The following TDRD1 variants were observed in gnomAD, a reference collection of about 807,000 sequenced individuals.
TDRD1 encodes the protein tudor domain containing 1.
In TDRD1, 37 loss-of-function variants were observed where a neutral mutation model predicts 140.6. That is an observed-to-expected ratio of 0.26 (90% CI 0.20 to 0.35). The LOEUF (loss-of-function observed/expected upper bound fraction) is 0.35. Among genes scored for constraint, TDRD1 ranks in the 10% least tolerant of loss-of-function variants. The pLI, the probability that TDRD1 is intolerant of heterozygous loss-of-function variation, is 1.00. For synonymous variants in TDRD1, 506 were observed against 475.7 expected (o/e 1.06, Z -0.83); for missense variants, 1,243 against 1,393.0 (o/e 0.89, Z 1.71).
rs771637585 is a variant in TDRD1, at chr10:114,221,404, A to G, written c.2818A>G (p.Lys940Glu). ...GAAGACGATAGAATTGCCAGTGGATAAAACTATACAAGCAAATGTATTAGA... is the reference window on the plus strand; with the variant it reads ...GAAGACGATAGAATTGCCAGTGGATGAAACTATACAAGCAAATGTATTAGA... The change falls in exon 20 of 26, where the codon AAA becomes GAA. Residue 940 changes from lysine (K) to glutamate (E), a missense_variant. Physicochemically the swap from Lys to Glu is moderately conservative, Grantham distance 56. Around this residue, in one of 5 missense-constraint regions of TDRD1, gnomAD observed 601 missense variants for 734.7 expected, o/e 0.82. Transcript: ENST00000251864. 6.8e-6 allele frequency: 11 copies of G among 1,612,578 alleles called. No individual in the cohort carries two copies. In the Admixed American group the frequency reaches 1.7e-4, roughly 24 times the overall value.
chr10:114,203,016 A>G (rs1712176180), intron 6 of TDRD1, 56 bp from the exon 7 acceptor site: 4 of 1,168,724 alleles, frequency 3.4e-6, no homozygotes, highest in Non-Finnish European at 5.2e-6. Context: ...GTGGCCATAG[A>G]ATCATTGAAA....
exon 11 of TDRD1, chr10:114,206,304 A>G (rs778177027): frequency 6.2e-7 from 1 of 1,613,396 alleles, no homozygotes; most frequent in Non-Finnish European, 8.5e-7. Context: ...AGTGGACAAG[A>G]TTCTAAGAAG....
chr10:114,206,741 G>C (rs557545527), intron 11 of TDRD1, among the ~76,000 whole-genome samples: 1 of 151,940 alleles, frequency 6.6e-6, no homozygotes, highest in South Asian at 2.1e-4. Context: ...AGCCTCCGGA[G>C]GAGCTGGGAT....
chr10:114,199,787 T>C (rs541126694), intron 4 of TDRD1, among the ~76,000 whole-genome samples: 18 of 152,374 alleles, frequency 1.2e-4, no homozygotes, highest in Non-Finnish European at 2.2e-4. Flanking sequence ...CCGTTGCACG[T>C]ACAATTATTT....
At chr10:114,206,771 G>A (rs570582346) in intron 11 of TDRD1, among the ~76,000 whole-genome samples, 10 of 152,010 alleles carry the variant, frequency 6.6e-5, no homozygotes, top group Middle Eastern at 3.4e-3. Flanking sequence ...CCGCTAGCAC[G>A]CCCAGCTAAT....
At chr10:114,222,613 A>G (rs1208393207) in exon 21 of TDRD1, 3 of 1,610,588 alleles carry the variant, frequency 1.9e-6, no homozygotes, top group Non-Finnish European at 2.5e-6. Flanking sequence ...GTGCATGTTG[A>G]CAGCTGAATT....
At chr10:114,227,221 G>A in exon 23 of TDRD1, 1 of 1,614,190 alleles carries the variant, frequency 6.2e-7, no homozygotes, top group Non-Finnish European at 8.5e-7. Flanking sequence ...GAATGGGACT[G>A]TCGATGTAGC....
intron 25 of TDRD1, among the ~76,000 whole-genome samples, chr10:114,230,868 C>T (rs536461660): frequency 1.7e-4 from 26 of 152,166 alleles, no homozygotes; most frequent in Non-Finnish European, 2.9e-4. Context: ...AGTTTGAGAC[C>T]ATCCTGGCCA....
At chr10:114,183,543 G>C (rs1273027314) in intron 1 of TDRD1, among the ~76,000 whole-genome samples, 1 of 151,750 alleles carries the variant, frequency 6.6e-6, no homozygotes, top group East Asian at 1.9e-4. Flanking sequence ...TTTTAACCTG[G>C]AGTTTTGATT....
At chr10:114,196,967 C>T (rs1462352695) in intron 3 of TDRD1, among the ~76,000 whole-genome samples, 2 of 150,110 alleles carry the variant, frequency 1.3e-5, no homozygotes, top group Non-Finnish European at 2.9e-5. Flanking sequence ...CTGTCTCAGC[C>T]TCCCAAGTAG....
chr10:114,199,313 A>T, exon 4 of TDRD1: 2 of 1,601,510 alleles, frequency 1.2e-6, no homozygotes, highest in Non-Finnish European at 1.7e-6. Flanking sequence ...GCTGTGGCCT[A>T]TTTGGTAAGC....
At chr10:114,228,780 G>A (rs982054237) in intron 25 of TDRD1, 3 of 985,248 alleles carry the variant, frequency 3.0e-6, no homozygotes, top group African/African-American at 1.7e-5. Context: ...TTGATTAAGA[G>A]CCAATTAGAA....
chr10:114,217,212 T>C (rs1229302130), intron 16 of TDRD1, among the ~76,000 whole-genome samples: 2 of 152,214 alleles, frequency 1.3e-5, no homozygotes, highest in Non-Finnish European at 2.9e-5. Flanking sequence ...ATAGTCACTT[T>C]CAGGACAGCT....
At chr10:114,184,033 C>A (rs1464390528) in intron 1 of TDRD1, among the ~76,000 whole-genome samples, 1 of 151,968 alleles carries the variant, frequency 6.6e-6, no homozygotes, top group Admixed American at 6.6e-5. Context: ...TTTTTAAAAA[C>A]CCCATAGATA....
At chr10:114,215,196 A>G (rs1250704987) in intron 16 of TDRD1, among the ~76,000 whole-genome samples, 1 of 152,086 alleles carries the variant, frequency 6.6e-6, no homozygotes, top group Admixed American at 6.6e-5. Flanking sequence ...ACATGTCTGT[A>G]CCTTGTTTTT....
At chr10:114,215,137 T>C (rs943763647) in intron 16 of TDRD1, among the ~76,000 whole-genome samples, 2 of 152,218 alleles carry the variant, frequency 1.3e-5, no homozygotes, top group Admixed American at 6.5e-5. Flanking sequence ...AATTACACAC[T>C]ATGCGAGCTT....
upstream of TDRD1, chr10:114,179,125 T>C (rs2032807474): frequency 6.6e-6 from 1 of 152,264 alleles, no homozygotes; most frequent in African/African-American, 2.4e-5. Context: ...CAGAGACATC[T>C]TTCTAGAAGA....
chr10:114,210,339 A>G (rs2035401613), intron 11 of TDRD1, among the ~76,000 whole-genome samples: 1 of 152,132 alleles, frequency 6.6e-6, no homozygotes. Context: ...ATTAGATCTG[A>G]ACTTGTCTAA....
chr10:114,228,245 A>T (rs2036554141), intron 25 of TDRD1: 1 of 1,442,264 alleles, frequency 6.9e-7, no homozygotes, highest in African/African-American at 1.4e-5. Flanking sequence ...TACTTTCGTG[A>T]TTTAATGACC....
Sources: allele counts gnomAD v4.1 joint callset (sites outside exome capture counted in the v4.1 genomes callset), GRCh38; gene constraint gnomAD v4.1.1; regional missense constraint gnomAD v4.1.1; transcripts MANE v1.5; gene names NCBI Gene and HGNC (gene_info 2026-07-23, HGNC 2026-07-21).